The following GLIS3 variants were observed in gnomAD, a reference collection of about 807,000 sequenced individuals.
GLIS3 encodes the protein zinc finger protein GLIS3.
In GLIS3, 53 loss-of-function variants were observed where a neutral mutation model predicts 78.6. The observed-to-expected ratio is 0.67, with a 90% CI of 0.54 to 0.85. The LOEUF (loss-of-function observed/expected upper bound fraction) is 0.85. GLIS3 is among the 40% of genes least tolerant of loss of function. The pLI, the probability that GLIS3 is intolerant of heterozygous loss-of-function variation, is 0.00. For missense variants in GLIS3, 1,703 were observed against 1,231.1 expected (o/e 1.38, Z -5.74); for synonymous variants, 684 against 509.9 (o/e 1.34, Z -4.60).
chr9:4,345,653 A>C (rs932706956), intron 2 of GLIS3, among the ~76,000 whole-genome samples: 1 of 152,252 alleles, frequency 6.6e-6, no homozygotes, highest in Admixed American at 6.5e-5. Flanking sequence ...GATTGGATAC[A>C]GAAATTTATC....
chr9:4,163,798 C>T (rs1265400056), intron 2 of GLIS3, among the ~76,000 whole-genome samples: 1 of 152,112 alleles, frequency 6.6e-6, no homozygotes, highest in Non-Finnish European at 1.5e-5. Flanking sequence ...AGTAAGTGCT[C>T]AGTATGTTAG....
chr9:3,874,804 G>T lies in GLIS3; in HGVS notation c.2297+4623C>A, dbSNP rs190169717. On this transcript the variant is annotated intron_variant, in intron 8 of 10. Coordinates refer to ENST00000381971, the MANE Select transcript of GLIS3 (RefSeq NM_001042413.2). ...AGTGAGAGAACAGAAAAAACACTTT[G>T]TTTTTTTTCCTTATATTTACACTTT... Among the ~76,000 whole-genome samples, 987 of 152,130 alleles carry T rather than the reference G, an allele frequency of 6.5e-3. 5 individuals carry two copies. Among genetic ancestry groups the T allele is most frequent in the Middle Eastern group, 0.01 (3 of 294 alleles).
intron 4 of GLIS3, among the ~76,000 whole-genome samples, chr9:4,043,077 A>G (rs1259196706): frequency 2.6e-5 from 4 of 152,116 alleles, no homozygotes; most frequent in East Asian, 1.9e-4. Flanking sequence ...CGGAGCCACA[A>G]TGCTCTCAGC....
chr9:3,997,781 G>C (rs1401274113), intron 4 of GLIS3, among the ~76,000 whole-genome samples: 1 of 151,860 alleles, frequency 6.6e-6, no homozygotes, highest in East Asian at 1.9e-4. Context: ...GTCTTTAAAG[G>C]AAATAGGAAT....
chr9:4,466,871 C>A, the GLIS3 span, among the ~76,000 whole-genome samples: 1 of 152,214 alleles, frequency 6.6e-6, no homozygotes, highest in African/African-American at 2.4e-5. Flanking sequence ...TCGGGGTATT[C>A]CCCTTCCTAG....
chr9:4,222,010 A>T (rs1418087480), intron 2 of GLIS3, among the ~76,000 whole-genome samples: 1 of 152,220 alleles, frequency 6.6e-6, no homozygotes, highest in African/African-American at 2.4e-5. Context: ...AAAGGGAAGG[A>T]GAAGCTACTT....
intron 2 of GLIS3, among the ~76,000 whole-genome samples, chr9:4,250,653 G>C (rs187990118): frequency 6.6e-6 from 1 of 152,246 alleles, no homozygotes; most frequent in African/African-American, 2.4e-5. Flanking sequence ...TCTGCTGCTA[G>C]TTTTTGAATT....
intron 4 of GLIS3, among the ~76,000 whole-genome samples, chr9:4,109,810 G>A (rs901551505): frequency 1.3e-5 from 2 of 152,090 alleles, no homozygotes; most frequent in Non-Finnish European, 2.9e-5. Context: ...CTTCCTCTGT[G>A]CTCTTTCATA....
rs557869415 is a variant in GLIS3, at chr9:4,345,336, C to A, written n.264+1745G>T. Among the ~76,000 whole-genome samples, 239 of 152,300 alleles carry A rather than the reference C, an allele frequency of 1.6e-3. 1 individual carries two copies. Among genetic ancestry groups the A allele is most frequent in the Non-Finnish European group, 2.7e-3 (187 of 68,018 alleles). On this transcript the variant is annotated intron_variant and non_coding_transcript_variant, in intron 2 of 4. Coordinates refer to the GLIS3 transcript ENST00000471664. ...GCCTTCTATAATGACCCCACTTAAT[C>A]CCTCCTCCCTATCCTATCTACTTTA...
In GLIS3 at chr9:4,118,558, G is replaced by A; in HGVS notation, c.920C>T (p.Pro307Leu). 1 of 1,614,254 alleles carries A rather than the reference G, an allele frequency of 6.2e-7. No individual in the cohort carries two copies. Among genetic ancestry groups the A allele is most frequent in the Non-Finnish European group, 8.5e-7 (1 of 1,180,042 alleles). Reference sequence around the variant, plus strand: ...ATCTATCCCGATGCCATCGGACAGCGGGGACAAGGACAGCGCTCTCTTCTT... The same window carrying A: ...ATCTATCCCGATGCCATCGGACAGCAGGGACAAGGACAGCGCTCTCTTCTT... ...RSKKRALSLS[P>L]LSDGIGIDFN... The change falls in exon 4 of 11, where the codon CCG (proline) becomes CTG (leucine). Residue 307 changes from proline to leucine, a missense_variant. Pro to Leu is a moderately conservative substitution (Grantham distance 98). Coordinates refer to ENST00000381971, the MANE Select transcript of GLIS3 (RefSeq NM_001042413.2). The surrounding 1 kb of genome is among the most constrained non-coding windows in gnomAD (Gnocchi z 4.7).
chr9:3,869,266 G>GGT (rs58818313), intron 8 of GLIS3, among the ~76,000 whole-genome samples: 7,886 of 151,198 alleles, frequency 0.052, 241 homozygotes, highest in Middle Eastern at 0.09. Flanking sequence ...AATTATCTAG[G>GGT]GTGTGTGTGT....
chr9:3,840,259 A>G (rs114740694), intron 9 of GLIS3, among the ~76,000 whole-genome samples: 1 of 152,186 alleles, frequency 6.6e-6, no homozygotes, highest in East Asian at 1.9e-4. Context: ...TTTATTACAC[A>G]ACCTACTACC....
chr9:4,432,888 G>A, the GLIS3 span, among the ~76,000 whole-genome samples: 6 of 152,054 alleles, frequency 3.9e-5, no homozygotes, highest in Admixed American at 1.3e-4. Flanking sequence ...TGAGCCACCC[G>A]CCTCATCCTC....
upstream of GLIS3, among the ~76,000 whole-genome samples, chr9:4,349,561 A>T (rs1311276351): frequency 6.6e-6 from 1 of 152,216 alleles, no homozygotes; most frequent in Non-Finnish European, 1.5e-5. Flanking sequence ...AAGGAAAAAA[A>T]TACCTAACAA....
chr9:3,911,995 G>A (rs1824186578), intron 6 of GLIS3, among the ~76,000 whole-genome samples: 1 of 152,112 alleles, frequency 6.6e-6, no homozygotes, highest in Non-Finnish European at 1.5e-5. Context: ...AGAGGAAAAG[G>A]ATGGAGACTT....
the GLIS3 span, among the ~76,000 whole-genome samples, chr9:4,401,311 G>C: frequency 6.6e-6 from 1 of 152,170 alleles, no homozygotes; most frequent in Non-Finnish European, 1.5e-5. Flanking sequence ...CCAGGCTGGA[G>C]TGCAATGGTG....
chr9:4,125,998 T>TA, intron 2 of GLIS3, 57 bp from the exon 3 acceptor site: 1 of 1,318,808 alleles, frequency 7.6e-7, no homozygotes, highest in Non-Finnish European at 1.1e-6. Context: ...AATCAGTAAA[T>TA]ACAGACATGT....
chr9:4,106,834 C>T (rs962197706), intron 4 of GLIS3, among the ~76,000 whole-genome samples: 4 of 152,256 alleles, frequency 2.6e-5, no homozygotes, highest in African/African-American at 7.2e-5. Flanking sequence ...AGGGTAAGTG[C>T]CTGTGGGACA....
chr9:3,953,795 C>CTCTCTCTCTCTCTATATATATATA (rs1403671770), intron 4 of GLIS3, among the ~76,000 whole-genome samples: 4 of 73,320 alleles, frequency 5.5e-5, no homozygotes, highest in Admixed American at 2.9e-4. Context: ...CTCTCTCTCT[C>CTCTCTCTCTCTCTATATATATATA]TATATATATA....
Sources: allele counts gnomAD v4.1 joint callset (sites outside exome capture counted in the v4.1 genomes callset), GRCh38; gene constraint gnomAD v4.1.1; non-coding constraint Gnocchi (gnomAD v3.1); transcripts MANE v1.5; gene names NCBI Gene and HGNC (gene_info 2026-07-23, HGNC 2026-07-21).